The following TRPC6 variants were observed in gnomAD, a reference collection of about 807,000 sequenced individuals.
TRPC6 encodes the protein short transient receptor potential channel 6.
Under a neutral mutation model 90.7 loss-of-function variants are expected in TRPC6, and 55 were observed. The ratio of observed to expected loss-of-function variants is 0.61; its 90% CI spans 0.49 to 0.76. TRPC6 has a LOEUF of 0.76. Ranked by LOEUF, TRPC6 falls within the 30% of genes least tolerant of loss-of-function variation. The pLI, the probability that TRPC6 is intolerant of heterozygous loss-of-function variation, is 0.00. For missense variants in TRPC6, 989 were observed against 1,122.7 expected (o/e 0.88, Z 1.70); for synonymous variants, 393 against 393.0 (o/e 1.00, Z 0.00).
chr11:101,575,321 T>C (rs1349331932), intron 1 of TRPC6, among the ~76,000 whole-genome samples: 1 of 152,184 alleles, frequency 6.6e-6, no homozygotes, highest in Non-Finnish European at 1.5e-5. Flanking sequence ...TAGTCTTCCT[T>C]TGGTGACAAA....
intron 1 of TRPC6, among the ~76,000 whole-genome samples, chr11:101,568,208 A>G (rs1011450495): frequency 6.6e-6 from 1 of 152,242 alleles, no homozygotes; most frequent in Non-Finnish European, 1.5e-5. Flanking sequence ...ACAGCACGAG[A>G]ACTTCGTGAA....
Position 101,583,349 on chromosome 11 carries a change from C to T in TRPC6, c.155G>A (p.Gly52Asp), listed in dbSNP as rs779060558. 6.7e-5 allele frequency: 107 copies of T among 1,592,538 alleles called. 1 individual carries two copies. In the Middle Eastern group the frequency reaches 1.2e-3, roughly 17 times the overall value. ...GCPQAPLPCY[G>D]YYPCFRGSDN... is the part of the protein sequence containing the mutation. ...CGGCACTCACAAGCAGGGGTAGTAGCCGTAGCAAGGCAGCGGGGCTTGCGG... is the reference window on the plus strand; with the variant it reads ...CGGCACTCACAAGCAGGGGTAGTAGTCGTAGCAAGGCAGCGGGGCTTGCGG... The change falls in exon 1 of 13, where the codon GGC becomes GAC. Residue 52 changes from glycine (G) to aspartate (D), a missense_variant. Physicochemically the swap from Gly to Asp is moderately conservative, Grantham distance 94. Around this residue, in one of 4 missense-constraint regions of TRPC6, gnomAD observed 194 missense variants for 136.5 expected, o/e 1.42. Transcript: ENST00000344327.
intron 6 of TRPC6, 117 bp from the exon 7 acceptor site, chr11:101,473,890 C>A: frequency 7.0e-7 from 1 of 1,426,504 alleles, no homozygotes; most frequent in Non-Finnish European, 9.7e-7. Context: ...GAATGGAAGT[C>A]TCCTATCTTA....
chr11:101,497,861 C>T (rs956321607), intron 2 of TRPC6, among the ~76,000 whole-genome samples: 6 of 152,016 alleles, frequency 3.9e-5, no homozygotes, highest in African/African-American at 1.4e-4. Flanking sequence ...CATTGCCCCC[C>T]ACCCCCTGAC....
rs1203298095 is a variant in TRPC6 at position 101,566,809 on chromosome 11, AG to A, written c.170+16524del. Among the ~76,000 whole-genome samples, 5 of 152,266 alleles carry A rather than the reference AG, an allele frequency of 3.3e-5. No individual in the cohort carries two copies. The East Asian group carries it at 9.7e-4, about 29-fold the overall frequency. ...GGAACTCCCTCTCCTAGCCAAGGAA[AG>A]CCATTAGGGACTGTACCGTGCACTC... On this transcript the variant is annotated intron_variant, in intron 1 of 12. Coordinates refer to ENST00000344327, the MANE Select transcript of TRPC6 (RefSeq NM_004621.6).
chr11:101,564,536 T>C (rs2136871962), intron 1 of TRPC6, among the ~76,000 whole-genome samples: 1 of 152,166 alleles, frequency 6.6e-6, no homozygotes, highest in East Asian at 1.9e-4. Context: ...CCTCCTGAAT[T>C]TAAAAAGAGA....
chr11:101,561,810 TAGAA>T (rs1289963304), intron 1 of TRPC6, among the ~76,000 whole-genome samples: 4 of 151,002 alleles, frequency 2.6e-5, no homozygotes, highest in Admixed American at 6.6e-5. Context: ...GTAATATAGA[TAGAA>T]AGACATTAAA....
At chr11:101,523,544 A>G (rs1044822850) in intron 1 of TRPC6, among the ~76,000 whole-genome samples, 20 of 152,254 alleles carry the variant, frequency 1.3e-4, no homozygotes, top group African/African-American at 4.8e-4. Flanking sequence ...AATAAAATAT[A>G]GATTACACTA....
intron 1 of TRPC6, 36 bp downstream of exon 1, chr11:101,583,298 C>T (rs761162559): frequency 1.9e-5 from 30 of 1,550,698 alleles, no homozygotes; most frequent in Non-Finnish European, 2.5e-5. Flanking sequence ...CTCCGCGCAG[C>T]CCGCGCCCGA....
intron 1 of TRPC6, among the ~76,000 whole-genome samples, chr11:101,509,598 A>T (rs938901913): frequency 6.6e-6 from 1 of 152,264 alleles, no homozygotes; most frequent in East Asian, 1.9e-4. Context: ...TTATTTGAAA[A>T]ATGACAAGTT....
chr11:101,469,787 C>T (rs1224721454), intron 9 of TRPC6, among the ~76,000 whole-genome samples: 1 of 152,118 alleles, frequency 6.6e-6, no homozygotes, highest in East Asian at 1.9e-4. Flanking sequence ...AGTTATACTT[C>T]TGGAAGAATA....
Position 101,466,178 on chromosome 11 carries a change from C to T in TRPC6, c.2484+3249G>A, listed in dbSNP as rs1315636975. Among the ~76,000 whole-genome samples, 3 of 152,144 alleles carry T rather than the reference C, an allele frequency of 2.0e-5. No homozygotes were observed. In the East Asian group the frequency reaches 5.8e-4, roughly 29 times the overall value. ...CCAAAGGGGCACCTTCCAGGATACA[C>T]AGGGGTCAGGGACCCACTTGAAGAG... On this transcript the variant is annotated intron_variant, in intron 10 of 12. Transcript: ENST00000344327.
chr11:101,517,990 A>G (rs1860560934), intron 1 of TRPC6, among the ~76,000 whole-genome samples: 1 of 152,200 alleles, frequency 6.6e-6, no homozygotes, highest in South Asian at 2.1e-4. Flanking sequence ...ACTGTGGCCA[A>G]TGAAAGCAGA....
chr11:101,522,898 G>C (rs1478629726), intron 1 of TRPC6, among the ~76,000 whole-genome samples: 1 of 152,162 alleles, frequency 6.6e-6, no homozygotes, highest in East Asian at 1.9e-4. Context: ...AGCTCTATCA[G>C]ACTAAGCAGA....
chr11:101,547,470 T>C (rs1022604367), intron 1 of TRPC6, among the ~76,000 whole-genome samples: 2 of 152,136 alleles, frequency 1.3e-5, no homozygotes, highest in African/African-American at 4.8e-5. Context: ...AGGAATCTAT[T>C]GGCTTATTTA....
chr11:101,560,909 G>A (rs1238445773), intron 1 of TRPC6, among the ~76,000 whole-genome samples: 1 of 152,164 alleles, frequency 6.6e-6, no homozygotes, highest in Admixed American at 6.6e-5. Context: ...GCAGAAGTCA[G>A]AGTGGAAGTC....
rs147530677 is a variant in TRPC6 at position 101,504,132 on chromosome 11, G to T, written c.837C>A (p.Gly279=). 1 of 1,614,026 alleles carries T rather than the reference G, an allele frequency of 6.2e-7. No individual in the cohort carries two copies. Among genetic ancestry groups the T allele is most frequent in the South Asian group, 1.1e-5 (1 of 91,070 alleles). ...ATGACAGGTAAGCCGGACTTGCCAG[G>T]CCTTTATAGGCATTAATCCTAGATC... The part of the protein sequence containing the change: ...HSRSRINAYK[G]LASPAYLSLS... The change falls in exon 2 of 13, where the codon GGC becomes GGA. Residue 279 remains glycine (G), a synonymous_variant. Coordinates refer to ENST00000344327, the MANE Select transcript of TRPC6 (RefSeq NM_004621.6).
At chr11:101,486,144 C>G (rs1272251601) in intron 4 of TRPC6, among the ~76,000 whole-genome samples, 1 of 152,066 alleles carries the variant, frequency 6.6e-6, no homozygotes, top group Non-Finnish European at 1.5e-5. Flanking sequence ...TGCCTAGAAA[C>G]TAAAATGGGC....
chr11:101,476,280 T>C, intron 6 of TRPC6, 21 bp downstream of exon 6: 1 of 1,600,480 alleles, frequency 6.2e-7, no homozygotes, highest in East Asian at 2.2e-5. Context: ...TTTATTTATA[T>C]TGACTGTACT....
Sources: gnomAD v4.1 joint callset for allele counts (sites outside exome capture counted in the v4.1 genomes callset) on GRCh38, gnomAD v4.1.1 for gene constraint, gnomAD v4.1.1 regional missense constraint, MANE v1.5 for transcripts, NCBI Gene and HGNC (gene_info 2026-07-23, HGNC 2026-07-21) for gene names.